BLTP3B: variants seen among roughly 807,000 people sequenced by gnomAD.
The protein encoded by BLTP3B is bridge-like lipid transfer protein family member 3B.
the BLTP3B span, among the ~76,000 whole-genome samples, chr12:100,115,132 G>A: frequency 9.9e-5 from 15 of 152,188 alleles, no homozygotes; most frequent in Non-Finnish European, 1.5e-4. Context: ...TCGGCCAGGC[G>A]CAGTAGCTCA....
At chr12:100,110,547 C>A in the BLTP3B span, among the ~76,000 whole-genome samples, 7 of 152,086 alleles carry the variant, frequency 4.6e-5, no homozygotes, top group Non-Finnish European at 8.8e-5. Context: ...TACTGGGAAG[C>A]AGTACACTTG....
the BLTP3B span, chr12:100,050,177 G>A: frequency 7.3e-6 from 11 of 1,511,130 alleles, no homozygotes; most frequent in South Asian, 6.8e-5. Context: ...CCAACTGGAC[G>A]ATTACAAAGG....
chr12:100,070,206 A>G, the BLTP3B span: 1 of 1,547,492 alleles, frequency 6.5e-7, no homozygotes, highest in East Asian at 2.4e-5. Flanking sequence ...ACAGATAAAC[A>G]AAACAAAACA....
chr12:100,092,462 A>G, the BLTP3B span, among the ~76,000 whole-genome samples: 2 of 152,236 alleles, frequency 1.3e-5, no homozygotes, highest in Admixed American at 1.3e-4. Flanking sequence ...CAACTAGGAA[A>G]AAGTACATAT....
At chr12:100,039,494 G>C in the BLTP3B span, 4 of 1,212,592 alleles carry the variant, frequency 3.3e-6, no homozygotes, top group African/African-American at 3.1e-5. Flanking sequence ...ACAAGCACTC[G>C]GTACATTTTA....
chr12:100,070,118 C>T, the BLTP3B span: 2 of 1,527,838 alleles, frequency 1.3e-6, no homozygotes, highest in Middle Eastern at 1.7e-4. Context: ...AGATGCAGAG[C>T]AGATGTCTTC....
At chr12:100,111,033 T>C in the BLTP3B span, among the ~76,000 whole-genome samples, 1 of 152,124 alleles carries the variant, frequency 6.6e-6, no homozygotes, top group Non-Finnish European at 1.5e-5. Flanking sequence ...ATTTCAAGGA[T>C]ATCTACAAGA....
the BLTP3B span, among the ~76,000 whole-genome samples, chr12:100,081,391 G>T: frequency 1.3e-5 from 2 of 152,168 alleles, no homozygotes; most frequent in Non-Finnish European, 2.9e-5. Flanking sequence ...GTTGTAGTTG[G>T]TGTCTGAAGT....
chr12:100,038,428 C>T, the BLTP3B span, among the ~76,000 whole-genome samples: 5 of 152,082 alleles, frequency 3.3e-5, no homozygotes, highest in Non-Finnish European at 7.4e-5. Flanking sequence ...CTCCACCTCC[C>T]GGGTTCAAGT....
At chr12:100,088,808 A>G in the BLTP3B span, 1 of 902,736 alleles carries the variant, frequency 1.1e-6, no homozygotes, top group African/African-American at 1.7e-5. Flanking sequence ...CACAATTATG[A>G]CAAATTATCT....
the BLTP3B span, among the ~76,000 whole-genome samples, chr12:100,096,408 A>G: frequency 6.6e-6 from 1 of 152,316 alleles, no homozygotes; most frequent in East Asian, 1.9e-4. Flanking sequence ...TTTATAGCTG[A>G]TAAATTATAT....
the BLTP3B span, among the ~76,000 whole-genome samples, chr12:100,104,679 C>T: frequency 6.6e-6 from 1 of 151,570 alleles, no homozygotes. Flanking sequence ...ATGTAGGAAA[C>T]ATCAAATACA....
the BLTP3B span, among the ~76,000 whole-genome samples, chr12:100,085,764 T>C: frequency 6.6e-6 from 1 of 152,106 alleles, no homozygotes; most frequent in Non-Finnish European, 1.5e-5. Flanking sequence ...ACTTTTTTTT[T>C]CTTTTCATTA....
chr12:100,100,161 TG>T, the BLTP3B span, among the ~76,000 whole-genome samples: 3 of 151,358 alleles, frequency 2.0e-5, no homozygotes, highest in Non-Finnish European at 2.9e-5. Flanking sequence ...AAAAGTTAAC[TG>T]GGCATGGTGG....
At chr12:100,099,127 G>A in the BLTP3B span, among the ~76,000 whole-genome samples, 3 of 151,370 alleles carry the variant, frequency 2.0e-5, no homozygotes, top group Admixed American at 6.6e-5. Flanking sequence ...GGAGTGGCTG[G>A]GATTACAGGC....
the BLTP3B span, among the ~76,000 whole-genome samples, chr12:100,100,954 A>G: frequency 6.6e-6 from 1 of 152,174 alleles, no homozygotes; most frequent in Non-Finnish European, 1.5e-5. Flanking sequence ...AATAGTTTAA[A>G]TCATCACATG....
At chr12:100,048,241 A>G in the BLTP3B span, 1 of 1,531,780 alleles carries the variant, frequency 6.5e-7, no homozygotes, top group Non-Finnish European at 8.7e-7. Flanking sequence ...ATTATTCAAT[A>G]ATATTACAAT....
At chr12:100,095,626 C>G in the BLTP3B span, 1 of 1,568,854 alleles carries the variant, frequency 6.4e-7, no homozygotes, top group Non-Finnish European at 8.6e-7. Flanking sequence ...AAACTATTTT[C>G]ATGTAAAGTA....
the BLTP3B span, among the ~76,000 whole-genome samples, chr12:100,065,026 A>C: frequency 3.9e-3 from 596 of 152,324 alleles, 1 homozygote; most frequent in Non-Finnish European, 7.1e-3. Flanking sequence ...TGCAAAACAG[A>C]TAAGAATTCA....
Sources: allele counts gnomAD v4.1 joint callset (sites outside exome capture counted in the v4.1 genomes callset), GRCh38; gene constraint gnomAD v4.1.1; transcripts MANE v1.5; gene names NCBI Gene and HGNC (gene_info 2026-07-23, HGNC 2026-07-21).